ERBB4: variants seen among roughly 807,000 people sequenced by gnomAD.
ERBB4 encodes the protein receptor tyrosine-protein kinase erbB-4.
In ERBB4, 42 loss-of-function variants were observed where a neutral mutation model predicts 158.0. The ratio of observed to expected loss-of-function variants is 0.27; its 90% CI spans 0.21 to 0.34. The LOEUF (loss-of-function observed/expected upper bound fraction) is 0.34, where lower values mean the gene tolerates loss of function less well. Ranked by LOEUF, ERBB4 falls within the 10% of genes least tolerant of loss-of-function variation. The probability of loss-of-function intolerance (pLI) is 1.00; values close to 1 mark genes in which losing one functional copy is unlikely to be tolerated. For missense variants in ERBB4, 1,333 were observed against 1,624.1 expected (o/e 0.82, Z 3.08); for synonymous variants, 583 against 558.7 (o/e 1.04, Z -0.61).
intron 1 of ERBB4, among the ~76,000 whole-genome samples, chr2:212,255,610 T>G (rs987074126): frequency 1.7e-4 from 26 of 152,218 alleles, no homozygotes; most frequent in African/African-American, 4.3e-4. Flanking sequence ...GTGTGTGTGT[T>G]TTTTTTAAAT....
intron 1 of ERBB4, among the ~76,000 whole-genome samples, chr2:212,218,059 C>G (rs1354920637): frequency 1.3e-5 from 2 of 151,226 alleles, no homozygotes; most frequent in African/African-American, 4.8e-5. Context: ...CATCATGTGA[C>G]ATGATTATTA....
chr2:212,291,643 G>A (rs985136973), intron 1 of ERBB4, among the ~76,000 whole-genome samples: 8 of 151,846 alleles, frequency 5.3e-5, no homozygotes, highest in Non-Finnish European at 2.9e-5. Flanking sequence ...GCACAATGCT[G>A]GACACAAAGC....
At chr2:211,434,012 A>C (rs1335891156) in intron 20 of ERBB4, among the ~76,000 whole-genome samples, 2 of 152,240 alleles carry the variant, frequency 1.3e-5, no homozygotes, top group Non-Finnish European at 2.9e-5. Context: ...GATAATATCA[A>C]GGAATATTTA....
intron 12 of ERBB4, among the ~76,000 whole-genome samples, chr2:211,701,442 C>T (rs913663853): frequency 6.6e-6 from 1 of 152,068 alleles, no homozygotes; most frequent in Non-Finnish European, 1.5e-5. Flanking sequence ...GAATCCAAAT[C>T]TCCACAGGAG....
chr2:212,417,261 A>G (rs1490409498), intron 1 of ERBB4, among the ~76,000 whole-genome samples: 2 of 152,024 alleles, frequency 1.3e-5, no homozygotes, highest in Non-Finnish European at 2.9e-5. Flanking sequence ...AGATGAAGCA[A>G]TATCTATCAG....
chr2:211,632,269 G>A (rs1325330893), intron 16 of ERBB4, among the ~76,000 whole-genome samples: 1 of 152,014 alleles, frequency 6.6e-6, no homozygotes. Flanking sequence ...TTTTGTTTGT[G>A]TAAGATCATA....
intron 1 of ERBB4, among the ~76,000 whole-genome samples, chr2:212,470,431 CCA>C (rs1178474020): frequency 6.6e-6 from 1 of 152,074 alleles, no homozygotes; most frequent in African/African-American, 2.4e-5. Flanking sequence ...CTCCTCCCAG[CCA>C]CACATACAGT....
At chr2:211,858,104 C>T (rs895119225) in intron 3 of ERBB4, among the ~76,000 whole-genome samples, 1 of 151,994 alleles carries the variant, frequency 6.6e-6, no homozygotes, top group Non-Finnish European at 1.5e-5. Flanking sequence ...ACACACATAA[C>T]GTCTTAGGGA....
intron 1 of ERBB4, among the ~76,000 whole-genome samples, chr2:212,382,986 T>C (rs1047202025): frequency 2.0e-5 from 3 of 151,244 alleles, no homozygotes; most frequent in African/African-American, 7.3e-5. Flanking sequence ...TTTTCTACCT[T>C]ACTGTTTTTT....
intron 2 of ERBB4, among the ~76,000 whole-genome samples, chr2:211,957,909 G>A (rs550574843): frequency 6.6e-6 from 1 of 152,026 alleles, no homozygotes; most frequent in Non-Finnish European, 1.5e-5. Flanking sequence ...AAAATTTAAC[G>A]AAAGAAAATG....
chr2:211,382,220 C>T lies in ERBB4; in HGVS notation c.*1395G>A, dbSNP rs1392465457. ...TTACCTTCTACTTCATATAAATAGTCTCATACTAGAAATTCCATGGAATTC... is the reference window on the plus strand; with the variant it reads ...TTACCTTCTACTTCATATAAATAGTTTCATACTAGAAATTCCATGGAATTC... On this transcript the variant is annotated 3_prime_UTR_variant, in exon 28 of 28. Coordinates refer to ENST00000342788, the MANE Select transcript of ERBB4 (RefSeq NM_005235.3). The T allele has an allele frequency of 4.3e-6, 1 of 231,416 alleles. No individual in the cohort carries two copies. The highest frequency in any genetic ancestry group is 8.5e-6 in the Non-Finnish European group (1 of 116,970). 14.3% of individuals were successfully genotyped at this position (231,416 alleles called of 1,614,324 possible).
Position 211,996,706 on chromosome 2 carries a change from C to A in ERBB4, c.235-49090G>T, listed in dbSNP as rs2082208469. Among the ~76,000 whole-genome samples the A allele has an allele frequency of 3.3e-5, 5 of 152,172 alleles. No homozygotes were observed. In the South Asian group the frequency reaches 1.0e-3, roughly 31 times the overall value. ...GCCTTCGGTTTGTTCCCTGGCTTTG[C>A]TGCATGAGTTGTTTACATCCATATC... On this transcript the variant is annotated intron_variant, in intron 2 of 27. Coordinates refer to ENST00000342788, the MANE Select transcript of ERBB4 (RefSeq NM_005235.3).
intron 1 of ERBB4, among the ~76,000 whole-genome samples, chr2:212,498,965 A>G (rs1355296641): frequency 6.6e-6 from 1 of 152,068 alleles, no homozygotes; most frequent in Non-Finnish European, 1.5e-5. Context: ...AAGTCAATAA[A>G]TCCAAATAAC....
At chr2:211,772,374 T>C (rs1321182371) in intron 4 of ERBB4, among the ~76,000 whole-genome samples, 1 of 152,138 alleles carries the variant, frequency 6.6e-6, no homozygotes, top group Non-Finnish European at 1.5e-5. Flanking sequence ...ATCCACACCA[T>C]ATTCTGTGTG....
chr2:211,849,872 G>T (rs1001985470), intron 3 of ERBB4, among the ~76,000 whole-genome samples: 4 of 151,872 alleles, frequency 2.6e-5, no homozygotes, highest in African/African-American at 9.7e-5. Flanking sequence ...TGCACAAATA[G>T]CATGTTTGGT....
intron 1 of ERBB4, among the ~76,000 whole-genome samples, chr2:212,386,799 T>C (rs1303840249): frequency 6.6e-6 from 1 of 152,080 alleles, no homozygotes; most frequent in Non-Finnish European, 1.5e-5. Context: ...TGTGTTTCCT[T>C]GTTTCCATAA....
rs551611051 is a variant in ERBB4 at position 211,748,121 on chromosome 2, G to A, written c.622+2518C>T. Among the ~76,000 whole-genome samples the A allele has an allele frequency of 2.4e-4, 37 of 151,372 alleles. 1 individual carries two copies. In the South Asian group the frequency reaches 7.5e-3, roughly 31 times the overall value. On this transcript the variant is annotated intron_variant, in intron 5 of 27. Coordinates refer to ENST00000342788, the MANE Select transcript of ERBB4 (RefSeq NM_005235.3). ...TTCCAAGTATTTTTGATCTGCAGTT[G>A]GTTGAATTTGCCATGTGGAAACCAG...
intron 21 of ERBB4, among the ~76,000 whole-genome samples, chr2:211,430,743 G>GTA (rs67144440): frequency 1.3e-4 from 20 of 150,924 alleles, no homozygotes; most frequent in East Asian, 9.7e-4. Flanking sequence ...GTAATATATG[G>GTA]TATATATATA....
At chr2:212,348,485 C>T (rs1560082099) in intron 1 of ERBB4, among the ~76,000 whole-genome samples, 1 of 151,922 alleles carries the variant, frequency 6.6e-6, no homozygotes, top group Non-Finnish European at 1.5e-5. Context: ...AACAGTTAAT[C>T]GTGTATCAAA....
Sources: gnomAD v4.1 joint callset for allele counts (sites outside exome capture counted in the v4.1 genomes callset) on GRCh38, gnomAD v4.1.1 for gene constraint, MANE v1.5 for transcripts, NCBI Gene and HGNC (gene_info 2026-07-23, HGNC 2026-07-21) for gene names.